Variants in ZNF385D observed in about 807,000 individuals in gnomAD.
ZNF385D encodes the protein zinc finger protein 659.
ZNF385D carries 15 observed loss-of-function variants against 35.8 expected under a neutral mutation model. The ratio of observed to expected loss-of-function variants is 0.42; its 90% confidence interval spans 0.28 to 0.64. The LOEUF is 0.64. Ranked by LOEUF, ZNF385D falls within the 30% of genes least tolerant of loss-of-function variation. The pLI is 0.23. For synonymous variants in ZNF385D, 212 were observed against 186.8 expected (o/e 1.13, Z -1.10); for missense variants, 474 against 494.6 (o/e 0.96, Z 0.39).
intron 3 of ZNF385D, among the ~76,000 whole-genome samples, chr3:22,159,565 G>C (rs959133409): frequency 6.6e-6 from 1 of 152,002 alleles, no homozygotes; most frequent in Non-Finnish European, 1.5e-5. Flanking sequence ...CCCTTCAATG[G>C]AATTCATATT....
At chr3:21,889,789 A>G (rs561861552) in intron 3 of ZNF385D, among the ~76,000 whole-genome samples, 66 of 152,274 alleles carry the variant, frequency 4.3e-4, no homozygotes, top group Non-Finnish European at 8.8e-4. Flanking sequence ...ATTATCTCAC[A>G]GTTCTGGAGA....
At chr3:22,344,137 T>C (rs1406191626) in intron 2 of ZNF385D, among the ~76,000 whole-genome samples, 1 of 151,344 alleles carries the variant, frequency 6.6e-6, no homozygotes. Context: ...CCTCTTGTGT[T>C]TTGAAGAATT....
intron 3 of ZNF385D, among the ~76,000 whole-genome samples, chr3:21,831,938 T>C (rs918364438): frequency 6.6e-5 from 10 of 152,200 alleles, no homozygotes; most frequent in Non-Finnish European, 1.3e-4. Flanking sequence ...TTATGAGAAA[T>C]GGGCTAATAA....
chr3:22,027,015 C>T (rs187309264), intron 3 of ZNF385D, among the ~76,000 whole-genome samples: 7 of 152,322 alleles, frequency 4.6e-5, no homozygotes, highest in African/African-American at 1.4e-4. Flanking sequence ...TGGTATGCAG[C>T]CATTGACTTG....
At chr3:21,904,791 T>G (rs559109631) in intron 3 of ZNF385D, among the ~76,000 whole-genome samples, 1 of 152,238 alleles carries the variant, frequency 6.6e-6, no homozygotes, top group South Asian at 2.1e-4. Context: ...ATGTTTGCAT[T>G]ATGTCATTGG....
chr3:22,101,271 G>T (rs1293267761), intron 3 of ZNF385D, among the ~76,000 whole-genome samples: 1 of 151,984 alleles, frequency 6.6e-6, no homozygotes, highest in Non-Finnish European at 1.5e-5. Context: ...ACAAAATAAT[G>T]ATATATAAAG....
chr3:22,291,175 T>G lies in ZNF385D; in HGVS notation c.106+81275A>C, dbSNP rs74822758. ...CTCTTCCTCTATTTACCATTACTGT[T>G]GGTTGTTACTTTCTGATTTCTCCTT... On this transcript the variant is annotated intron_variant, in intron 2 of 5. Coordinates refer to the ZNF385D transcript ENST00000494108. Among the ~76,000 whole-genome samples, 514 of 152,296 alleles carry G rather than the reference T, an allele frequency of 3.4e-3. 6 individuals are homozygous for G. Among genetic ancestry groups the G allele is most frequent in the African/African-American group, 0.012 (486 of 41,578 alleles).
At chr3:21,566,184 A>C (rs751299697) in intron 2 of ZNF385D, among the ~76,000 whole-genome samples, 6 of 152,230 alleles carry the variant, frequency 3.9e-5, no homozygotes, top group Non-Finnish European at 7.3e-5. Context: ...ACATGGTTAC[A>C]GTGATAAAGG....
Position 22,358,366 on chromosome 3 carries a change from C to T in ZNF385D, c.106+14084G>A, listed in dbSNP as rs117632305. ...TATGCCCAAGGTGGCAGAGCCTCTG[C>T]AAATATTCAAGGAAGACAGCTTCAT... On this transcript the variant is annotated intron_variant, in intron 2 of 5. Coordinates refer to the ZNF385D transcript ENST00000494108. Among the ~76,000 whole-genome samples, 650 of 151,950 alleles carry T rather than the reference C, an allele frequency of 4.3e-3. 12 individuals carry two copies. The East Asian group carries it at 0.051, about 12-fold the overall frequency.
intron 3 of ZNF385D, among the ~76,000 whole-genome samples, chr3:21,929,589 TAAAC>T (rs563065434): frequency 2.7e-4 from 41 of 152,124 alleles, no homozygotes; most frequent in Middle Eastern, 6.8e-3. Context: ...CTAGAAATAA[TAAAC>T]AAGTTCAGCA....
rs61226426 is a variant in ZNF385D, at chr3:21,757,120, C to CTTTTTTTTTTTTT, written c.326-92105_326-92093dup. 2.7e-3 allele frequency among the ~76,000 whole-genome samples: 285 copies of CTTTTTTTTTTTTT among 106,366 alleles called. 10 individuals are homozygous for CTTTTTTTTTTTTT. Among genetic ancestry groups the CTTTTTTTTTTTTT allele is most frequent in the Middle Eastern group, 6.7e-3 (1 of 150 alleles). 69.8% of individuals were successfully genotyped at this position (106,366 alleles called of 152,430 possible). ...CTTTGGAGACATATGATAAATTTCT[C>CTTTTTTTTTTTTT]TTTTTTTTTTTTTTTTTTTGTTTTC... is the stretch of plus-strand genomic sequence containing the variant. On this transcript the variant is annotated intron_variant, in intron 3 of 5. Coordinates refer to the ZNF385D transcript ENST00000494108.
chr3:21,917,652 T>C (rs992442143), intron 3 of ZNF385D, among the ~76,000 whole-genome samples: 1 of 152,176 alleles, frequency 6.6e-6, no homozygotes, highest in African/African-American at 2.4e-5. Flanking sequence ...AGTTTTAAAG[T>C]CATATACACA....
intron 2 of ZNF385D, among the ~76,000 whole-genome samples, chr3:21,623,197 A>AT (rs1478252384): frequency 6.6e-6 from 1 of 152,112 alleles, no homozygotes; most frequent in Non-Finnish European, 1.5e-5. Flanking sequence ...ATCCAAAGAG[A>AT]TAATGTAGTT....
chr3:22,092,149 T>C (rs576412724), intron 3 of ZNF385D, among the ~76,000 whole-genome samples: 1 of 152,298 alleles, frequency 6.6e-6, no homozygotes, highest in South Asian at 2.1e-4. Flanking sequence ...CACTTTATTG[T>C]CTCTTGGTTG....
At chr3:22,075,306 A>C (rs1482494714) in intron 3 of ZNF385D, among the ~76,000 whole-genome samples, 11 of 151,838 alleles carry the variant, frequency 7.2e-5, no homozygotes, top group Non-Finnish European at 1.5e-5. Context: ...GTTTCCCTAA[A>C]GATTCCTCTC....
At chr3:21,979,397 T>C (rs1269742737) in intron 3 of ZNF385D, among the ~76,000 whole-genome samples, 1 of 152,188 alleles carries the variant, frequency 6.6e-6, no homozygotes, top group African/African-American at 2.4e-5. Flanking sequence ...AAAACTGAGG[T>C]GTGAGATTGA....
chr3:22,168,192 C>G (rs1396166669), intron 3 of ZNF385D, among the ~76,000 whole-genome samples: 1 of 152,098 alleles, frequency 6.6e-6, no homozygotes, highest in African/African-American at 2.4e-5. Flanking sequence ...ACGGGCCCAC[C>G]CTCCTCTCTT....
intron 3 of ZNF385D, among the ~76,000 whole-genome samples, chr3:22,029,360 G>A (rs1049312585): frequency 3.3e-5 from 5 of 152,158 alleles, no homozygotes; most frequent in African/African-American, 1.2e-4. Flanking sequence ...TAAGGTCAAT[G>A]GGAAACTACA....
chr3:21,744,318 T>C (rs548011668), intron 1 of ZNF385D, among the ~76,000 whole-genome samples: 1 of 152,342 alleles, frequency 6.6e-6, no homozygotes, highest in East Asian at 1.9e-4. Flanking sequence ...TTACATTCCT[T>C]ATTGCGTTTT....
Sources: allele counts gnomAD v4.1 joint callset (sites outside exome capture counted in the v4.1 genomes callset), GRCh38; gene constraint gnomAD v4.1.1; transcripts MANE v1.5; gene names NCBI Gene and HGNC (gene_info 2026-07-23, HGNC 2026-07-21).